The following SMAD4 variants were observed in gnomAD, a reference collection of about 807,000 sequenced individuals.
SMAD4 encodes SMAD family member 4.
In SMAD4, 7 loss-of-function variants were observed where a neutral mutation model predicts 63.2. That is an observed-to-expected ratio of 0.11 (90% CI 0.06 to 0.21). The LOEUF is 0.21. SMAD4 is among the 10% of genes least tolerant of loss of function. The probability of loss-of-function intolerance (pLI) is 1.00; values close to 1 mark genes in which losing one functional copy is unlikely to be tolerated. For synonymous variants in SMAD4, 215 were observed against 235.4 expected (o/e 0.91, Z 0.79); for missense variants, 312 against 693.8 (o/e 0.45, Z 6.18).
intron 10 of SMAD4, among the ~76,000 whole-genome samples, chr18:51,073,384 TATATACACACACACACACACAC>T (rs1320155672): frequency 5.8e-5 from 5 of 85,742 alleles, no homozygotes; most frequent in African/African-American, 1.9e-4. Flanking sequence ...TATATATATA[TATATACACACACACACACACAC>T]ACACACACAC....
chr18:51,058,533 G>A (rs977534753), intron 7 of SMAD4, 77 bp downstream of exon 7: 20 of 922,418 alleles, frequency 2.2e-5, no homozygotes, highest in Non-Finnish European at 3.4e-5. Flanking sequence ...TTTTAAAAAT[G>A]TTTTTACATC....
Position 51,078,356 on chromosome 18 carries a change from G to A in SMAD4, c.1548G>A (p.Gln516=), listed in dbSNP as rs2144478896. 1 of 1,614,186 alleles carries A rather than the reference G, an allele frequency of 6.2e-7. No homozygotes were observed. The highest frequency in any genetic ancestry group is 8.5e-7 in the Non-Finnish European group (1 of 1,180,026). Residue 516 remains glutamine (Q), a synonymous_variant, in exon 12 of 12, where the codon CAG becomes CAA. Transcript: ENST00000342988. The part of the protein sequence containing the change: ...VKGWGPDYPR[Q]SIKETPCWIE... ...GCTGGGGACCGGATTACCCAAGACA[G>A]AGCATCAAAGAAACACCTTGCTGGA...
intron 5 of SMAD4, among the ~76,000 whole-genome samples, chr18:51,057,017 A>T (rs1359536347): frequency 1.3e-5 from 2 of 152,186 alleles, no homozygotes; most frequent in African/African-American, 4.8e-5. Flanking sequence ...GATGAGTAGG[A>T]AGGGAGGTTG....
At chr18:51,067,270 G>A (rs1910189640) in intron 10 of SMAD4, 83 bp downstream of exon 10, 2 of 754,610 alleles carry the variant, frequency 2.7e-6, no homozygotes, top group Non-Finnish European at 2.3e-6. Flanking sequence ...GGAAGGAATG[G>A]AAAAATGTTT....
intron 10 of SMAD4, among the ~76,000 whole-genome samples, chr18:51,074,052 A>G (rs995828888): frequency 2.8e-4 from 43 of 152,176 alleles, no homozygotes; most frequent in Non-Finnish European, 5.6e-4. Context: ...AAACTCAACA[A>G]TAAAATAATG....
chr18:51,048,967 TTAAA>T, intron 3 of SMAD4, 107 bp downstream of exon 3: 7 of 918,350 alleles, frequency 7.6e-6, no homozygotes, highest in Non-Finnish European at 1.0e-5. Flanking sequence ...GCCCGCGACT[TTAAA>T]TAAGGTTAAA....
chr18:51,043,658 A>G (rs983823880), intron 1 of SMAD4, among the ~76,000 whole-genome samples: 10 of 152,218 alleles, frequency 6.6e-5, no homozygotes, highest in African/African-American at 2.4e-4. Flanking sequence ...AAGCGAGGTC[A>G]TTATCATTTG....
intron 11 of SMAD4, chr18:51,077,025 T>C: frequency 2.9e-6 from 1 of 350,624 alleles, no homozygotes; most frequent in South Asian, 5.2e-5. Flanking sequence ...TATTATATTA[T>C]ACTGTTCTAT....
chr18:51,065,961 A>G (rs1261516796), intron 9 of SMAD4, among the ~76,000 whole-genome samples: 2 of 152,242 alleles, frequency 1.3e-5, no homozygotes, highest in Non-Finnish European at 2.9e-5. Context: ...TGAAAGTTTT[A>G]CTTATAATGT....
In SMAD4 at chr18:51,079,853, G is replaced by T. The variant is rs553408737; in HGVS notation, c.*1386G>T. On this transcript the variant is annotated 3_prime_UTR_variant, in exon 12 of 12. Coordinates refer to ENST00000342988, the MANE Select transcript of SMAD4 (RefSeq NM_005359.6). ...TTTTGAGTCCAATCTCAGTGATGAG[G>T]TACCTTCTACTAAATGACAGGCAAC... 2.6e-5 allele frequency: 6 copies of T among 232,206 alleles called. No individual in the cohort carries two copies. Among genetic ancestry groups the T allele is most frequent in the Non-Finnish European group, 4.3e-5 (5 of 117,606 alleles). The allele number at this position is 232,206 out of a possible 1,614,324, so 14.4% of individuals were successfully genotyped here.
chr18:51,047,463 A>C (rs2144402688), intron 2 of SMAD4, among the ~76,000 whole-genome samples, 168 bp downstream of exon 2: 1 of 152,364 alleles, frequency 6.6e-6, no homozygotes, highest in South Asian at 2.1e-4. Flanking sequence ...AATATGCAAA[A>C]GATAAAATCT....
At chr18:51,058,297 C>T (rs776997580) in intron 6 of SMAD4, 43 bp from the exon 7 acceptor site, 45 of 1,610,672 alleles carry the variant, frequency 2.8e-5, no homozygotes, top group Non-Finnish European at 3.8e-5. Context: ...AAGTAGGCAG[C>T]CTTTATAAAA....
At chr18:51,057,966 G>T (rs951155935) in intron 5 of SMAD4, among the ~76,000 whole-genome samples, 159 bp from the exon 6 acceptor site, 2 of 152,214 alleles carry the variant, frequency 1.3e-5, no homozygotes, top group African/African-American at 4.8e-5. Context: ...CTTTATAGAT[G>T]ACTGTAGGTT....
At chr18:51,065,766 T>G (rs546760739) in intron 9 of SMAD4, among the ~76,000 whole-genome samples, 160 bp downstream of exon 9, 1 of 152,344 alleles carries the variant, frequency 6.6e-6, no homozygotes, top group East Asian at 1.9e-4. Flanking sequence ...GCACTCCATC[T>G]TAATTGTCGG....
At chr18:51,075,765 T>G (rs1377908345) in intron 10 of SMAD4, among the ~76,000 whole-genome samples, 4 of 152,142 alleles carry the variant, frequency 2.6e-5, no homozygotes, top group African/African-American at 9.7e-5. Context: ...GTAAAATTAT[T>G]TATTAACGCC....
intron 1 of SMAD4, among the ~76,000 whole-genome samples, chr18:51,038,875 G>T (rs1025297143): frequency 1.3e-5 from 2 of 152,068 alleles, no homozygotes; most frequent in Admixed American, 1.3e-4. Context: ...AAAGCTATTT[G>T]GTGTCTTTAA....
intron 8 of SMAD4, among the ~76,000 whole-genome samples, chr18:51,064,939 C>T (rs180720567): frequency 6.6e-6 from 1 of 152,008 alleles, no homozygotes; most frequent in African/African-American, 2.4e-5. Flanking sequence ...TGTCATGAGT[C>T]GATGTTATTC....
At chr18:51,067,639 C>T (rs1389677571) in intron 10 of SMAD4, among the ~76,000 whole-genome samples, 3 of 152,114 alleles carry the variant, frequency 2.0e-5, no homozygotes, top group African/African-American at 4.8e-5. Context: ...TCTCGAACTC[C>T]TGACCTAAAG....
intron 1 of SMAD4, among the ~76,000 whole-genome samples, chr18:51,039,926 A>G (rs1360843393): frequency 6.6e-6 from 1 of 152,130 alleles, no homozygotes; most frequent in Non-Finnish European, 1.5e-5. Context: ...TGCTGTATAA[A>G]TGTGCTCTTG....
Sources: gnomAD v4.1 joint callset for allele counts (sites outside exome capture counted in the v4.1 genomes callset) on GRCh38, gnomAD v4.1.1 for gene constraint, MANE v1.5 for transcripts, NCBI Gene and HGNC (gene_info 2026-07-23, HGNC 2026-07-21) for gene names.